The following MGAT4C variants were observed in gnomAD, a reference collection of about 807,000 sequenced individuals.
MGAT4C encodes the protein MGAT4 family member C.
In MGAT4C, 19 loss-of-function variants were observed where a neutral mutation model predicts 40.1. That is an observed-to-expected ratio of 0.47 (90% CI 0.33 to 0.70). The LOEUF (loss-of-function observed/expected upper bound fraction) is 0.70, where lower values mean the gene tolerates loss of function less well. Ranked by LOEUF, MGAT4C falls within the 30% of genes least tolerant of loss-of-function variation. The probability of loss-of-function intolerance (pLI) is 0.02; values close to 1 mark genes in which losing one functional copy is unlikely to be tolerated. For synonymous variants in MGAT4C, 181 were observed against 187.1 expected (o/e 0.97, Z 0.27); for missense variants, 491 against 563.2 (o/e 0.87, Z 1.30).
At chr12:86,354,815 A>G (rs1178759010) in intron 3 of MGAT4C, among the ~76,000 whole-genome samples, 2 of 152,160 alleles carry the variant, frequency 1.3e-5, no homozygotes, top group Non-Finnish European at 2.9e-5. Context: ...CACTGACTTC[A>G]AGAATGGAGC....
intron 2 of MGAT4C, among the ~76,000 whole-genome samples, chr12:86,536,125 A>C (rs1959063576): frequency 6.6e-6 from 1 of 152,134 alleles, no homozygotes; most frequent in Non-Finnish European, 1.5e-5. Context: ...AGTCTTGTGG[A>C]TATGGCAGCA....
chr12:86,767,572 A>T (rs1298068124), intron 1 of MGAT4C, among the ~76,000 whole-genome samples: 2 of 152,162 alleles, frequency 1.3e-5, no homozygotes, highest in Admixed American at 6.6e-5. Flanking sequence ...AAAAAAGAGA[A>T]TTTGAGACCA....
rs868582654 is a variant in MGAT4C, at chr12:85,971,323, G to A, written c.*7966C>T. The A allele has an allele frequency of 6.6e-6, 1 of 151,132 alleles. No homozygotes were observed. The highest frequency in any genetic ancestry group is 1.5e-5 in the Non-Finnish European group (1 of 67,332). The allele number at this position is 151,132 out of a possible 1,614,324, so 9.4% of individuals were successfully genotyped here. ...ATGTAGCTTTATCTACATTACCTTG[G>A]TTTGGACAACTGAAAAATTTGCTAG... On this transcript the variant is annotated 3_prime_UTR_variant, in exon 5 of 5. Coordinates refer to ENST00000611864, the MANE Select transcript of MGAT4C (RefSeq NM_001351288.2).
At chr12:86,071,611 T>A (rs1317612245) in intron 1 of MGAT4C, among the ~76,000 whole-genome samples, 14 of 152,242 alleles carry the variant, frequency 9.2e-5, no homozygotes, top group East Asian at 3.9e-4. Context: ...ACTATGTGAA[T>A]GATTTCTTTT....
intron 2 of MGAT4C, among the ~76,000 whole-genome samples, chr12:86,700,909 C>G (rs1950350510): frequency 6.6e-6 from 1 of 151,956 alleles, no homozygotes; most frequent in Non-Finnish European, 1.5e-5. Flanking sequence ...AGAATTTCCT[C>G]AATCTTGTAG....
chr12:86,609,338 G>A (rs1312073346), intron 2 of MGAT4C, among the ~76,000 whole-genome samples: 3 of 152,024 alleles, frequency 2.0e-5, no homozygotes, highest in Admixed American at 2.0e-4. Flanking sequence ...GACTTTCAAA[G>A]CAAGCCTTAG....
intron 4 of MGAT4C, among the ~76,000 whole-genome samples, chr12:86,289,015 A>T (rs576139609): frequency 2.6e-5 from 4 of 152,178 alleles, no homozygotes; most frequent in African/African-American, 9.6e-5. Flanking sequence ...GTATTGCCTA[A>T]GTTGTCTCCC....
At position 86,009,679 on chromosome 12, in the gene MGAT4C, T is replaced by C. The variant is rs1004650806; in HGVS notation, c.-6-20127A>G. Among the ~76,000 whole-genome samples, 10 of 152,350 alleles carry C rather than the reference T, an allele frequency of 6.6e-5. No homozygotes were observed. In the East Asian group the frequency reaches 1.3e-3, roughly 21 times the overall value. The stretch of plus-strand genomic sequence containing the variant: ...TTTATTAATTCTGCTTTTCTTTTAG[T>C]TGTTTAAGGATAGAGGCAAATCTGA... On this transcript the variant is annotated intron_variant, in intron 2 of 4. Transcript: ENST00000611864.
chr12:86,551,954 A>G (rs1221768523), intron 2 of MGAT4C, among the ~76,000 whole-genome samples: 4 of 144,088 alleles, frequency 2.8e-5, no homozygotes, highest in African/African-American at 1.0e-4. Context: ...CCCCTAGAAA[A>G]CCCCCTCCAT....
intron 1 of MGAT4C, among the ~76,000 whole-genome samples, chr12:86,216,292 G>A (rs991997795): frequency 6.6e-6 from 1 of 152,092 alleles, no homozygotes; most frequent in Admixed American, 6.6e-5. Context: ...GTAATAGGAT[G>A]CATTATTTAA....
chr12:86,731,210 G>C (rs770099192), intron 1 of MGAT4C, among the ~76,000 whole-genome samples: 1 of 152,032 alleles, frequency 6.6e-6, no homozygotes, highest in Non-Finnish European at 1.5e-5. Flanking sequence ...CTGTATAATA[G>C]AGACACTAAA....
chr12:86,482,271 A>T (rs1486234435), intron 2 of MGAT4C, among the ~76,000 whole-genome samples: 1 of 152,086 alleles, frequency 6.6e-6, no homozygotes, highest in Non-Finnish European at 1.5e-5. Context: ...CTAAATTAAA[A>T]AACTGTGTAA....
chr12:86,327,120 T>A (rs993601173), intron 4 of MGAT4C, among the ~76,000 whole-genome samples: 2 of 152,166 alleles, frequency 1.3e-5, no homozygotes, highest in African/African-American at 4.8e-5. Flanking sequence ...AATATGCATT[T>A]ACCATTATCT....
intron 1 of MGAT4C, among the ~76,000 whole-genome samples, chr12:86,214,040 A>C (rs1950579726): frequency 6.6e-6 from 1 of 152,200 alleles, no homozygotes; most frequent in Admixed American, 6.5e-5. Context: ...TTTAAAGTAT[A>C]CCACTCTTCT....
chr12:86,064,643 A>C (rs978278355), intron 1 of MGAT4C, among the ~76,000 whole-genome samples: 1 of 152,128 alleles, frequency 6.6e-6, no homozygotes, highest in Non-Finnish European at 1.5e-5. Context: ...CTAACATCAA[A>C]ATTAAAAAGA....
chr12:86,482,268 A>T (rs559698813), intron 2 of MGAT4C, among the ~76,000 whole-genome samples: 2 of 152,214 alleles, frequency 1.3e-5, no homozygotes, highest in South Asian at 2.1e-4. Context: ...CAGCTAAATT[A>T]AAAAACTGTG....
At chr12:86,119,307 T>C (rs1592990408) in intron 1 of MGAT4C, among the ~76,000 whole-genome samples, 1 of 152,152 alleles carries the variant, frequency 6.6e-6, no homozygotes, top group Admixed American at 6.5e-5. Flanking sequence ...GAAGATAAGA[T>C]TATAGGTATA....
intron 2 of MGAT4C, among the ~76,000 whole-genome samples, chr12:86,049,161 C>G (rs763793184): frequency 2.0e-5 from 3 of 151,970 alleles, no homozygotes; most frequent in Non-Finnish European, 4.4e-5. Flanking sequence ...AAATTGCTAA[C>G]TCTTGGAATA....
chr12:86,272,060 A>G (rs1240273220), intron 4 of MGAT4C, among the ~76,000 whole-genome samples: 1 of 150,480 alleles, frequency 6.6e-6, no homozygotes, highest in African/African-American at 2.4e-5. Flanking sequence ...AGCAAGATAG[A>G]AGGAATAAAT....
Sources: allele counts gnomAD v4.1 joint callset (sites outside exome capture counted in the v4.1 genomes callset), GRCh38; gene constraint gnomAD v4.1.1; transcripts MANE v1.5; gene names NCBI Gene and HGNC (gene_info 2026-07-23, HGNC 2026-07-21).